SCFD1: variants seen among roughly 807,000 people sequenced by gnomAD.
The protein encoded by SCFD1 is sec1 family domain containing 1, also known as sec1 family domain-containing protein 1.
A neutral mutation model predicts 103.2 loss-of-function variants in SCFD1; 37 were observed. The observed-to-expected ratio is 0.36, with a 90% confidence interval of 0.28 to 0.47. SCFD1 has a LOEUF of 0.47. SCFD1 is among the 20% of genes least tolerant of loss of function. The pLI is 1.00. For missense variants in SCFD1, 639 were observed against 761.2 expected (o/e 0.84, Z 1.89); for synonymous variants, 264 against 245.0 (o/e 1.08, Z -0.73).
chr14:30,673,427 T>G (rs1285313867), intron 12 of SCFD1, 80 bp downstream of exon 12: 1 of 683,122 alleles, frequency 1.5e-6, no homozygotes, highest in East Asian at 2.9e-5. Flanking sequence ...GTTTTTTTCC[T>G]TATAAAAATT....
intron 7 of SCFD1, among the ~76,000 whole-genome samples, chr14:30,646,740 A>T (rs973654631): frequency 1.3e-5 from 2 of 152,144 alleles, no homozygotes; most frequent in Non-Finnish European, 2.9e-5. Flanking sequence ...CTGTGAATCC[A>T]TCTGGTCCAG....
chr14:30,657,504 G>T (rs1346393737), intron 10 of SCFD1, among the ~76,000 whole-genome samples: 1 of 152,122 alleles, frequency 6.6e-6, no homozygotes, highest in Non-Finnish European at 1.5e-5. Context: ...AAAATAAAAG[G>T]TGGTGAAAGT....
At chr14:30,659,363 CTT>C (rs923795544) in intron 10 of SCFD1, among the ~76,000 whole-genome samples, 1 of 151,910 alleles carries the variant, frequency 6.6e-6, no homozygotes, top group African/African-American at 2.4e-5. Flanking sequence ...ATATTTAAGT[CTT>C]ATATATTTTA....
At chr14:30,628,547 T>C (rs141064497) in intron 2 of SCFD1, among the ~76,000 whole-genome samples, 2,958 of 152,310 alleles carry the variant, frequency 0.019, 52 homozygotes, top group Middle Eastern at 0.034. Flanking sequence ...CTGGTTGATA[T>C]TTTGTTCCTT....
chr14:30,652,183 G>A (rs1186094539), intron 9 of SCFD1, among the ~76,000 whole-genome samples: 1 of 152,132 alleles, frequency 6.6e-6, no homozygotes, highest in Non-Finnish European at 1.5e-5. Context: ...ATTCTATTGC[G>A]AAAGGAAATA....
rs940384581 is a variant in SCFD1 at position 30,719,363 on chromosome 14, G to A, written c.1722G>A (p.Leu574=). 3 of 1,606,412 alleles carry A rather than the reference G, an allele frequency of 1.9e-6. No homozygotes were observed. The African/African-American group carries it at 4.0e-5, about 22-fold the overall frequency. The change falls in exon 21 of 25, where the codon CTG becomes CTA. Residue 574 remains leucine, a synonymous_variant. Transcript: ENST00000458591. ...ATAGATATTTTGATCCCAAAATGCTGCGGGGCAATGACAGGTAAGCAGCTT... is the reference window on the plus strand; with the variant it reads ...ATAGATATTTTGATCCCAAAATGCTACGGGGCAATGACAGGTAAGCAGCTT... The part of the protein sequence containing the change: ...DDYRYFDPKM[L]RGNDSSVPRN...
At position 30,674,981 on chromosome 14, in the gene SCFD1, C is replaced by G; in HGVS notation, c.1161-3C>G. 6.5e-7 allele frequency: 1 copy of G among 1,544,484 alleles called. No individual in the cohort carries two copies. The highest frequency in any genetic ancestry group is 8.8e-7 in the Non-Finnish European group (1 of 1,140,290). ...TTAATATTTAATTTTTTGATACTTG[C>G]AGTTCTTTGCCAGAACTCCTTGAGA... On this transcript the variant is annotated splice_region_variant and splice_polypyrimidine_tract_variant and intron_variant, in intron 13 of 24. Transcript: ENST00000458591.
Position 30,670,348 on chromosome 14 carries a change from T to A in SCFD1, c.948T>A (p.Ser316=), listed in dbSNP as rs1218738741. 1.9e-6 allele frequency: 3 copies of A among 1,592,384 alleles called. No homozygotes were observed. The Admixed American group carries it at 5.5e-5, about 29-fold the overall frequency. Reference sequence around the variant, plus strand: ...GACCAAAGAGAAAAAACAAGAAGTCTTATGATTTAACTCCGGTTGATAAAT... The same window carrying A: ...GACCAAAGAGAAAAAACAAGAAGTCATATGATTTAACTCCGGTTGATAAAT... ...GARPKRKNKK[S]YDLTPVDKFW... is the part of the protein sequence containing the mutation. The change falls in exon 11 of 25, where the codon TCT becomes TCA. Residue 316 remains serine, a synonymous_variant. Transcript: ENST00000458591.
At chr14:30,646,901 G>A (rs1029943906) in intron 7 of SCFD1, among the ~76,000 whole-genome samples, 2 of 152,126 alleles carry the variant, frequency 1.3e-5, no homozygotes, top group African/African-American at 4.8e-5. Flanking sequence ...TGTGTTCATA[G>A]GGGTGTTTGT....
At chr14:30,666,446 C>T (rs1031269629) in intron 10 of SCFD1, among the ~76,000 whole-genome samples, 18 of 152,080 alleles carry the variant, frequency 1.2e-4, no homozygotes, top group African/African-American at 2.9e-4. Flanking sequence ...CAAGAGAAAG[C>T]GGGAAAGACC....
chr14:30,656,365 G>A (rs1886904000), intron 10 of SCFD1, among the ~76,000 whole-genome samples: 1 of 152,132 alleles, frequency 6.6e-6, no homozygotes, highest in South Asian at 2.1e-4. Flanking sequence ...TCCTGCAGGT[G>A]GCATTAGTGA....
chr14:30,667,440 G>A (rs1218676463), intron 10 of SCFD1, among the ~76,000 whole-genome samples: 2 of 152,106 alleles, frequency 1.3e-5, no homozygotes, highest in Non-Finnish European at 2.9e-5. Flanking sequence ...CAAACCTACA[G>A]CCAATATCAT....
intron 13 of SCFD1, 102 bp from the exon 14 acceptor site, chr14:30,674,882 T>G (rs1888893418): frequency 3.5e-6 from 2 of 565,198 alleles, no homozygotes; most frequent in South Asian, 6.2e-5. Flanking sequence ...TGTTACTGTT[T>G]CACTGTTCTG....
chr14:30,694,669 A>G lies in SCFD1; in HGVS notation c.1243-104A>G, dbSNP rs74603755. On this transcript the variant is annotated intron_variant, in intron 14 of 24. Transcript: ENST00000458591. ...GTACTTTTGACCTGTCTGAAAGAACATATCTTAAAATTGATCATAGAAAAT... is the reference window on the plus strand; with the variant it reads ...GTACTTTTGACCTGTCTGAAAGAACGTATCTTAAAATTGATCATAGAAAAT... The G allele has an allele frequency of 2.2e-4, 313 of 1,391,912 alleles. 4 individuals are homozygous for G. In the East Asian group the frequency reaches 8.7e-3, roughly 39 times the overall value. The allele number at this position is 1,391,912 out of a possible 1,614,324, so 86.2% of individuals were successfully genotyped here. A position where few individuals can be genotyped will look rare whatever the true frequency, so the allele number is the denominator to read the frequency against.
At chr14:30,677,716 G>A (rs28662978) in intron 14 of SCFD1, among the ~76,000 whole-genome samples, 11,855 of 148,748 alleles carry the variant, frequency 0.08, 755 homozygotes, top group African/African-American at 0.17. Flanking sequence ...ACTGCTGGCT[G>A]TGTTAATGTT....
chr14:30,679,305 G>A (rs1889287523), intron 14 of SCFD1, among the ~76,000 whole-genome samples: 1 of 150,980 alleles, frequency 6.6e-6, no homozygotes, highest in Non-Finnish European at 1.5e-5. Context: ...TGAAAAGATT[G>A]TTTCTATAAA....
chr14:30,713,066 T>G (rs1892006209), intron 19 of SCFD1, among the ~76,000 whole-genome samples: 1 of 152,186 alleles, frequency 6.6e-6, no homozygotes, highest in African/African-American at 2.4e-5. Flanking sequence ...CCAGTAAAAC[T>G]TGATTAACCT....
intron 10 of SCFD1, chr14:30,657,997 C>T (rs182947175): frequency 3.0e-4 from 126 of 419,504 alleles, no homozygotes; most frequent in African/African-American, 2.5e-3. Flanking sequence ...AGCAACTTTG[C>T]AGTGCCCATC....
At chr14:30,673,369 A>G in intron 12 of SCFD1, 22 bp downstream of exon 12, 1 of 1,319,912 alleles carries the variant, frequency 7.6e-7, no homozygotes. Context: ...TTTGCTTTCT[A>G]AGAATTATAG....
Sources: gnomAD v4.1 joint callset for allele counts (sites outside exome capture counted in the v4.1 genomes callset) on GRCh38, gnomAD v4.1.1 for gene constraint, MANE v1.5 for transcripts, NCBI Gene and HGNC (gene_info 2026-07-23, HGNC 2026-07-21) for gene names.